Variants in MAGEC3 observed in about 807,000 individuals in gnomAD.
MAGEC3 encodes melanoma-associated antigen C3.
In MAGEC3, 34 loss-of-function variants were observed where a neutral mutation model predicts 35.3. The observed-to-expected ratio is 0.96, with a 90% CI of 0.73 to 1.28. The LOEUF is 1.28. Ranked by LOEUF, MAGEC3 falls within the 50% of genes most tolerant of loss-of-function variation. The pLI is 0.00. For synonymous variants in MAGEC3, 202 were observed against 185.6 expected (o/e 1.09, Z -0.72); for missense variants, 561 against 483.6 (o/e 1.16, Z -1.50).
At chrX:141,880,947 A>C in intron 3 of MAGEC3, 1 of 632,418 alleles carries the variant, frequency 1.6e-6, no homozygotes, top group Non-Finnish European at 2.6e-6. Context: ...CCCTGCTCAC[A>C]CATTTACCTC....
intron 4 of MAGEC3, among the ~76,000 whole-genome samples, chrX:141,892,169 T>A (rs1223470720): frequency 5.4e-5 from 6 of 111,613 alleles, no homozygotes; most frequent in Admixed American, 4.8e-4. Context: ...GTTGTTTATG[T>A]CATCCAGGCT....
At chrX:141,896,456 A>G (rs947650157) in intron 6 of MAGEC3, 3 of 1,155,313 alleles carry the variant, frequency 2.6e-6, no homozygotes, top group East Asian at 3.0e-5. Context: ...ACCTCTTAGG[A>G]AGACAGGCGA....
intron 1 of MAGEC3, among the ~76,000 whole-genome samples, chrX:141,857,199 A>C (rs980695840): frequency 3.0e-4 from 33 of 110,948 alleles, no homozygotes; most frequent in African/African-American, 1.0e-3. Context: ...AAAAAAAAAA[A>C]CAGGCTTTCA....
intron 1 of MAGEC3, among the ~76,000 whole-genome samples, chrX:141,863,949 C>T (rs1240894360): frequency 1.8e-5 from 2 of 111,166 alleles, no homozygotes; most frequent in Non-Finnish European, 3.8e-5. Flanking sequence ...TAAAAAGATA[C>T]GAAAAACAGA....
chrX:141,838,779 T>C lies in MAGEC3; in HGVS notation c.123+341T>C, dbSNP rs2017668542. On this transcript the variant is annotated intron_variant, in intron 1 of 7. Coordinates refer to ENST00000298296, the MANE Select transcript of MAGEC3 (RefSeq NM_138702.1). ...GTCCTAAAAGCAGCAGCCCACGCCT[T>C]CGTCCCACCTCTGCACCAGATGCTG... 8 of 751,630 alleles carry C rather than the reference T, an allele frequency of 1.1e-5. No individual in the cohort carries two copies. The South Asian group carries it at 4.8e-4, about 45-fold the overall frequency. The allele number at this position is 751,630 out of a possible 1,213,427, so 61.9% of individuals were successfully genotyped here.
chrX:141,891,951 G>T (rs764254716), intron 4 of MAGEC3, among the ~76,000 whole-genome samples: 1 of 109,772 alleles, frequency 9.1e-6, no homozygotes, highest in Non-Finnish European at 1.9e-5. Context: ...AATATGATGG[G>T]AGTCATTTTA....
chrX:141,838,837 G>T, intron 1 of MAGEC3: 1 of 753,540 alleles, frequency 1.3e-6, no homozygotes, highest in Non-Finnish European at 1.6e-6. Flanking sequence ...ATGTCCCTGG[G>T]GCAGCAGTTC....
At chrX:141,886,633 A>C (rs1037478452) in intron 4 of MAGEC3, among the ~76,000 whole-genome samples, 2 of 110,814 alleles carry the variant, frequency 1.8e-5, no homozygotes, top group African/African-American at 6.6e-5. Context: ...GCTTGGACTT[A>C]CAGATGATCC....
At chrX:141,894,526 T>G in intron 4 of MAGEC3, 1 of 532,327 alleles carries the variant, frequency 1.9e-6, no homozygotes, top group Non-Finnish European at 2.6e-6. Flanking sequence ...TTGGAATGGA[T>G]TTTAGAGGAT....
chrX:141,871,356 AT>A (rs76492923), intron 2 of MAGEC3, among the ~76,000 whole-genome samples: 6,485 of 110,393 alleles, frequency 0.059, 243 homozygotes, highest in East Asian at 0.3. Context: ...GAAAACAGAG[AT>A]TTTTTTTCCA....
At position 141,838,363 on chromosome X, in the gene MAGEC3, C is replaced by A. The variant is rs761303713; in HGVS notation, c.48C>A (p.Gly16=). The A allele has an allele frequency of 1.4e-4, 164 of 1,209,087 alleles. No homozygotes were observed. Among genetic ancestry groups the A allele is most frequent in the Non-Finnish European group, 1.8e-4 (161 of 894,408 alleles). The change falls in exon 1 of 8, where the codon GGC becomes GGA. Residue 16 remains glycine, a synonymous_variant. Transcript: ENST00000298296. ...HWVLDATFSD[G]SLGQWVKNTC... is the part of the protein sequence containing the mutation. The stretch of plus-strand genomic sequence containing the variant: ...TGTTGGATGCCACCTTCAGTGATGG[C>A]AGTCTAGGCCAGTGGGTGAAAAACA...
chrX:141,887,800 C>T (rs2018013489), intron 4 of MAGEC3, among the ~76,000 whole-genome samples: 1 of 111,739 alleles, frequency 8.9e-6, no homozygotes, highest in African/African-American at 3.3e-5. Flanking sequence ...TTGGCAGGCC[C>T]CCATTGGTGA....
chrX:141,880,452 G>A (rs1333762274), intron 3 of MAGEC3: 1 of 137,217 alleles, frequency 7.3e-6, no homozygotes, highest in Non-Finnish European at 1.4e-5. Flanking sequence ...AGCCTTGGGA[G>A]GCCCAAGACT....
intron 1 of MAGEC3, among the ~76,000 whole-genome samples, chrX:141,859,357 G>C (rs748984477): frequency 2.7e-5 from 3 of 111,028 alleles, no homozygotes; most frequent in Admixed American, 9.6e-5. Flanking sequence ...GCTTTAACTT[G>C]CATATCCCTG....
In MAGEC3 at chrX:141,879,360, A is replaced by G; in HGVS notation, c.444A>G (p.Arg148=). The G allele has an allele frequency of 8.4e-7, 1 of 1,197,340 alleles. No individual in the cohort carries two copies. The highest frequency in any genetic ancestry group is 1.8e-5 in the African/African-American group (1 of 56,994). ...WKDSDLPTWR[R]GTGYTLSLPA... is the part of the protein sequence containing the mutation. ...ACAGTGACCTTCCAACATGGAGGAG[A>G]GGCACAGGCTACACCCTTTCCCTTC... The change falls in exon 3 of 8, where the codon AGA becomes AGG. Residue 148 remains arginine, a synonymous_variant. Transcript: ENST00000298296.
At chrX:141,867,410 A>T (rs181303195) in intron 2 of MAGEC3, among the ~76,000 whole-genome samples, 1 of 111,692 alleles carries the variant, frequency 9.0e-6, no homozygotes, top group Admixed American at 9.5e-5. Flanking sequence ...GTATGGGAAC[A>T]GACCCAAAAT....
intron 1 of MAGEC3, chrX:141,839,962 A>T (rs1237152643): frequency 1.4e-6 from 1 of 727,013 alleles, no homozygotes; most frequent in African/African-American, 2.3e-5. Context: ...TGGTGCTGAC[A>T]GTGAGAAACC....
chrX:141,857,695 A>T (rs1326909476), intron 1 of MAGEC3, among the ~76,000 whole-genome samples: 2 of 110,809 alleles, frequency 1.8e-5, no homozygotes, highest in Admixed American at 9.7e-5. Context: ...ACTTTACTCA[A>T]GTCTCTCCTC....
intron 2 of MAGEC3, among the ~76,000 whole-genome samples, chrX:141,866,213 C>T (rs1054426297): frequency 8.9e-6 from 1 of 112,025 alleles, no homozygotes; most frequent in African/African-American, 3.2e-5. Context: ...GGTATTACAT[C>T]TCTTCGCCTA....
Sources: gnomAD v4.1 joint callset for allele counts (sites outside exome capture counted in the v4.1 genomes callset) on GRCh38, gnomAD v4.1.1 for gene constraint, MANE v1.5 for transcripts, NCBI Gene and HGNC (gene_info 2026-07-23, HGNC 2026-07-21) for gene names.